Variants in GRIK3 observed in about 807,000 individuals in gnomAD.
GRIK3 encodes glutamate ionotropic receptor kainate type subunit 3.
Under a neutral mutation model 102.5 loss-of-function variants are expected in GRIK3, and 29 were observed. The ratio of observed to expected loss-of-function variants is 0.28; its 90% CI spans 0.21 to 0.39. The LOEUF is 0.39. GRIK3 is among the 10% of genes least tolerant of loss of function. GRIK3 has a pLI of 1.00. For synonymous variants in GRIK3, 511 were observed against 504.9 expected, an observed-to-expected ratio of 1.01 and a Z score of -0.16; for missense variants, 908 against 1,252.4, an observed-to-expected ratio of 0.73 and a Z score of 4.15.
At chr1:36,879,128 T>G (rs951697740) in intron 3 of GRIK3, among the ~76,000 whole-genome samples, 1 of 152,072 alleles carries the variant, frequency 6.6e-6, no homozygotes, top group Non-Finnish European at 1.5e-5. Flanking sequence ...TACATGGAGA[T>G]GGCTCTGTTC....
intron 4 of GRIK3, among the ~76,000 whole-genome samples, chr1:36,870,092 C>G (rs924367979): frequency 2.0e-5 from 3 of 152,230 alleles, no homozygotes; most frequent in Non-Finnish European, 4.4e-5. Flanking sequence ...GTCTAGCTGC[C>G]TCTTTTGAGT....
chr1:36,809,583 ACTT>A (rs1408922784), intron 13 of GRIK3, among the ~76,000 whole-genome samples: 2 of 152,110 alleles, frequency 1.3e-5, no homozygotes, highest in African/African-American at 2.4e-5. Flanking sequence ...TGGGATAAGC[ACTT>A]CTTCTCTTTC....
At chr1:36,899,319 T>C (rs1641207438) in intron 1 of GRIK3, among the ~76,000 whole-genome samples, 1 of 152,062 alleles carries the variant, frequency 6.6e-6, no homozygotes, top group Admixed American at 6.5e-5. Flanking sequence ...TCCAGAACAA[T>C]TAATATCCAG....
chr1:36,962,179 C>T (rs1007831191), intron 1 of GRIK3, among the ~76,000 whole-genome samples: 3 of 152,270 alleles, frequency 2.0e-5, no homozygotes, highest in South Asian at 4.2e-4. Flanking sequence ...CCACCCAGTA[C>T]CTGCTTCTGA....
intron 7 of GRIK3, among the ~76,000 whole-genome samples, chr1:36,853,970 G>A (rs528971526): frequency 5.9e-5 from 9 of 152,112 alleles, no homozygotes; most frequent in East Asian, 3.8e-4. Context: ...TCTTGGATGC[G>A]CTCAAATGAG....
At chr1:36,848,591 T>TA (rs1158508118) in intron 9 of GRIK3, among the ~76,000 whole-genome samples, 1 of 152,120 alleles carries the variant, frequency 6.6e-6, no homozygotes, top group African/African-American at 2.4e-5. Flanking sequence ...CTTTCCTTTT[T>TA]ATCTCATTCC....
intron 3 of GRIK3, among the ~76,000 whole-genome samples, chr1:36,874,132 A>G (rs1044768595): frequency 6.6e-6 from 1 of 152,232 alleles, no homozygotes; most frequent in African/African-American, 2.4e-5. Context: ...CTATCTGGAA[A>G]GAGTCCCCCT....
intron 11 of GRIK3, among the ~76,000 whole-genome samples, chr1:36,820,500 G>T (rs924209781): frequency 1.3e-5 from 2 of 152,162 alleles, no homozygotes; most frequent in Non-Finnish European, 1.5e-5. Context: ...GGGTCTGAAA[G>T]GGTCTCTAGA....
At chr1:36,864,197 C>T (rs868264090) in intron 5 of GRIK3, among the ~76,000 whole-genome samples, 23 of 152,256 alleles carry the variant, frequency 1.5e-4, no homozygotes, top group African/African-American at 5.3e-4. Context: ...TATCTACAGA[C>T]TGGAAGTTTA....
At chr1:36,851,428 G>A (rs1640583614) in intron 8 of GRIK3, among the ~76,000 whole-genome samples, 1 of 152,242 alleles carries the variant, frequency 6.6e-6, no homozygotes, top group Non-Finnish European at 1.5e-5. Flanking sequence ...AGGGCCTTGA[G>A]GAGAGGAAAG....
At chr1:36,894,152 G>A (rs1641147767) in intron 1 of GRIK3, among the ~76,000 whole-genome samples, 1 of 152,082 alleles carries the variant, frequency 6.6e-6, no homozygotes, top group Non-Finnish European at 1.5e-5. Context: ...AAGAATCCCC[G>A]TGCCCATTTA....
At chr1:36,831,624 C>T (rs1320738283) in intron 10 of GRIK3, among the ~76,000 whole-genome samples, 2 of 152,220 alleles carry the variant, frequency 1.3e-5, no homozygotes, top group Non-Finnish European at 2.9e-5. Flanking sequence ...GTGATCTAGT[C>T]CAGTGCTGTC....
intron 1 of GRIK3, among the ~76,000 whole-genome samples, chr1:37,011,438 T>G (rs1642595249): frequency 6.6e-6 from 1 of 152,214 alleles, no homozygotes; most frequent in Non-Finnish European, 1.5e-5. Flanking sequence ...GTCACTCAGT[T>G]CATCTCTTCC....
At chr1:36,916,989 A>G (rs1421926864) in intron 1 of GRIK3, among the ~76,000 whole-genome samples, 5 of 152,332 alleles carry the variant, frequency 3.3e-5, no homozygotes, top group East Asian at 1.9e-4. Flanking sequence ...CAGACACTCA[A>G]TGCTGACCCA....
At chr1:36,870,160 T>C (rs530752140) in intron 4 of GRIK3, among the ~76,000 whole-genome samples, 1 of 152,332 alleles carries the variant, frequency 6.6e-6, no homozygotes, top group Admixed American at 6.5e-5. Context: ...TCTGAGGCTG[T>C]CTTCTCAAGT....
chr1:37,031,458 G>A (rs1157484233), intron 1 of GRIK3, among the ~76,000 whole-genome samples: 2 of 152,214 alleles, frequency 1.3e-5, no homozygotes, highest in Non-Finnish European at 1.5e-5. Context: ...TTGTCTAAGA[G>A]GAAATTTCAG....
At chr1:36,955,627 G>A (rs996119821) in intron 1 of GRIK3, among the ~76,000 whole-genome samples, 20 of 152,206 alleles carry the variant, frequency 1.3e-4, no homozygotes, top group Non-Finnish European at 2.9e-4. Flanking sequence ...TATCTGGACA[G>A]CTGCAGCCAA....
chr1:36,994,402 A>C (rs540785664), intron 1 of GRIK3, among the ~76,000 whole-genome samples: 5 of 152,346 alleles, frequency 3.3e-5, no homozygotes, highest in Non-Finnish European at 4.4e-5. Context: ...ACAAATGTCC[A>C]AGTTTCAAGT....
chr1:36,939,598 C>T (rs903117940), intron 1 of GRIK3, among the ~76,000 whole-genome samples: 3 of 152,236 alleles, frequency 2.0e-5, no homozygotes, highest in African/African-American at 4.8e-5. Context: ...ATGTGTATTA[C>T]AAGGATAATG....
Sources: allele counts gnomAD v4.1 joint callset (sites outside exome capture counted in the v4.1 genomes callset), GRCh38; gene constraint gnomAD v4.1.1; transcripts MANE v1.5; gene names NCBI Gene and HGNC (gene_info 2026-07-23, HGNC 2026-07-21).